The following METAP2 variants were observed in gnomAD, a reference collection of about 807,000 sequenced individuals.
The protein encoded by METAP2 is methionine aminopeptidase 2.
In METAP2, 25 loss-of-function variants were observed where a neutral mutation model predicts 59.4. That is an observed-to-expected ratio of 0.42 (90% confidence interval 0.31 to 0.59). The LOEUF (loss-of-function observed/expected upper bound fraction) is 0.59, where lower values mean the gene tolerates loss of function less well. METAP2 is among the 20% of genes least tolerant of loss of function. The pLI is 0.16. For synonymous variants in METAP2, 214 were observed against 194.1 expected, an observed-to-expected ratio of 1.10 and a Z score of -0.85; for missense variants, 366 against 581.2, an observed-to-expected ratio of 0.63 and a Z score of 3.81.
At chr12:95,487,656 G>T (rs1158059156) in intron 4 of METAP2, among the ~76,000 whole-genome samples, 2 of 147,610 alleles carry the variant, frequency 1.4e-5, no homozygotes, top group African/African-American at 5.0e-5. Flanking sequence ...TAACCACCTA[G>T]CAGGTAGCCT....
chr12:95,483,131 A>G, intron 2 of METAP2, 84 bp from the exon 3 acceptor site: 1 of 989,146 alleles, frequency 1.0e-6, no homozygotes, highest in Non-Finnish European at 1.6e-6. Flanking sequence ...TATTGAATAG[A>G]GCAAATACTT....
At position 95,515,465 on chromosome 12, in the gene METAP2, G is replaced by A. The variant is rs301026; in HGVS notation, c.*1561G>A. On this transcript the variant is annotated 3_prime_UTR_variant, in exon 11 of 11. Transcript: ENST00000323666. Reference sequence around the variant, plus strand: ...AGCTAGCTCCTTTGGGGTTGAGTCCGTATCTTTTTGATGTGGAAGTATAAA... The same window carrying A: ...AGCTAGCTCCTTTGGGGTTGAGTCCATATCTTTTTGATGTGGAAGTATAAA... 15,820 of 152,240 alleles carry A rather than the reference G, an allele frequency of 0.1. 880 individuals are homozygous for A. The highest frequency in any genetic ancestry group is 0.12 in the Non-Finnish European group (8,046 of 68,024). 9.4% of individuals were successfully genotyped at this position (152,240 alleles called of 1,614,324 possible). A position where few individuals can be genotyped will look rare whatever the true frequency, so the allele number is the denominator to read the frequency against.
rs573587464 is a variant in METAP2 at position 95,496,679 on chromosome 12, G to A, written c.867+581G>A. 2.0e-5 allele frequency among the ~76,000 whole-genome samples: 3 copies of A among 151,054 alleles called. No homozygotes were observed. In the South Asian group the frequency reaches 6.3e-4, roughly 32 times the overall value. On this transcript the variant is annotated intron_variant, in intron 7 of 10. Coordinates refer to ENST00000323666, the MANE Select transcript of METAP2 (RefSeq NM_006838.4). ...TTTCATAGCCACCAAAATCTTCTGT[G>A]CTCAACTGATTCATCCCTCTCTGTC...
chr12:95,485,161 G>C (rs2076186731), intron 3 of METAP2, among the ~76,000 whole-genome samples: 1 of 150,676 alleles, frequency 6.6e-6, no homozygotes, highest in African/African-American at 2.4e-5. Context: ...GATTTCATCT[G>C]ATCGTTCATT....
intron 4 of METAP2, among the ~76,000 whole-genome samples, chr12:95,490,971 G>A (rs1351173389): frequency 6.6e-6 from 1 of 152,040 alleles, no homozygotes; most frequent in Non-Finnish European, 1.5e-5. Context: ...TATAAAATAA[G>A]TGATTATGAC....
chr12:95,497,709 G>C (rs2076285388), intron 7 of METAP2, among the ~76,000 whole-genome samples: 1 of 152,092 alleles, frequency 6.6e-6, no homozygotes, highest in South Asian at 2.1e-4. Context: ...GCAAGGAAAG[G>C]CTCCAATTTT....
rs190581112 is a variant in METAP2 at position 95,498,111 on chromosome 12, C to T, written c.867+2013C>T. Among the ~76,000 whole-genome samples the T allele has an allele frequency of 1.6e-3, 230 of 148,240 alleles. 1 individual carries two copies. The highest frequency in any genetic ancestry group is 5.2e-3 in the Admixed American group (77 of 14,858). Reference sequence around the variant, plus strand: ...TCGCCCCACTGCACTCCAGCCTGGGCGACTGAGCGAGACTCCATCTCAAAA... The same window carrying T: ...TCGCCCCACTGCACTCCAGCCTGGGTGACTGAGCGAGACTCCATCTCAAAA... On this transcript the variant is annotated intron_variant, in intron 7 of 10. Coordinates refer to ENST00000323666, the MANE Select transcript of METAP2 (RefSeq NM_006838.4).
At chr12:95,503,523 G>A (rs1362681657) in intron 7 of METAP2, among the ~76,000 whole-genome samples, 1 of 152,134 alleles carries the variant, frequency 6.6e-6, no homozygotes, top group African/African-American at 2.4e-5. Context: ...GCGCTGAGGT[G>A]TGCAACTATG....
chr12:95,478,624 C>T (rs1045456188), intron 2 of METAP2, among the ~76,000 whole-genome samples: 3 of 152,016 alleles, frequency 2.0e-5, no homozygotes, highest in Non-Finnish European at 4.4e-5. Flanking sequence ...AAAAGTGAAA[C>T]TCTGTCTCAA....
chr12:95,491,174 A>G lies in METAP2; in HGVS notation c.429-2882A>G, dbSNP rs377634469. On this transcript the variant is annotated intron_variant, in intron 4 of 10. Coordinates refer to ENST00000323666, the MANE Select transcript of METAP2 (RefSeq NM_006838.4). Reference sequence around the variant, plus strand: ...TACTTTGGTATCATTTGGAATATCTATCTTCCTTCCTTTTCTTCCTATTTA... The same window carrying G: ...TACTTTGGTATCATTTGGAATATCTGTCTTCCTTCCTTTTCTTCCTATTTA... Among the ~76,000 whole-genome samples, 228 of 149,938 alleles carry G rather than the reference A, an allele frequency of 1.5e-3. 1 individual carries two copies. The highest frequency in any genetic ancestry group is 3.8e-3 in the African/African-American group (156 of 40,740).
At chr12:95,489,825 T>A (rs58949649) in intron 4 of METAP2, among the ~76,000 whole-genome samples, 3,868 of 152,102 alleles carry the variant, frequency 0.025, 148 homozygotes, top group African/African-American at 0.088. Flanking sequence ...GCAACAAGAG[T>A]GAAACTCTGT....
intron 2 of METAP2, chr12:95,482,208 C>T (rs1426987817): frequency 1.3e-5 from 6 of 450,842 alleles, no homozygotes; most frequent in Admixed American, 1.2e-4. Context: ...TTCCCTGGCT[C>T]AGGTGATCCT....
At chr12:95,500,500 T>C (rs2076307692) in intron 7 of METAP2, among the ~76,000 whole-genome samples, 2 of 152,210 alleles carry the variant, frequency 1.3e-5, no homozygotes, top group African/African-American at 4.8e-5. Context: ...CTTTGACCAT[T>C]GAGTATGATG....
At chr12:95,488,665 G>T (rs2076215880) in intron 4 of METAP2, among the ~76,000 whole-genome samples, 1 of 151,892 alleles carries the variant, frequency 6.6e-6, no homozygotes. Context: ...TCTTTCCAGT[G>T]CAGAGTCAGT....
At chr12:95,492,152 G>GTGTA (rs1555191443) in intron 4 of METAP2, among the ~76,000 whole-genome samples, 5 of 151,782 alleles carry the variant, frequency 3.3e-5, no homozygotes, top group Non-Finnish European at 5.9e-5. Context: ...GTGTGTGTGT[G>GTGTA]TGTATGTATA....
At chr12:95,496,806 ATTAAC>A (rs1430221649) in intron 7 of METAP2, among the ~76,000 whole-genome samples, 1 of 136,756 alleles carries the variant, frequency 7.3e-6, no homozygotes, top group African/African-American at 2.7e-5. Context: ...AATTTACCAT[ATTAAC>A]TTTTTCTTTC....
chr12:95,513,677 A>G lies in METAP2; in HGVS notation c.1210A>G (p.Asn404Asp), dbSNP rs142486082. ...GCTTCCAAGAACAAAACACTTGTTA[A>G]ATGTCATCAATGAAAACTTTGGAAC... ...IRLPRTKHLL[N>D]VINENFGTLA... Residue 404 changes from asparagine to aspartate, a missense_variant, in exon 11 of 11, where the codon AAT becomes GAT. By Grantham distance (23) the Asn-to-Asp change is conservative (BLOSUM62 1). Around this residue, in one of 4 missense-constraint regions of METAP2, gnomAD observed 82 missense variants for 156.2 expected, o/e 0.52. Transcript: ENST00000323666. 2 of 1,614,018 alleles carry G rather than the reference A, an allele frequency of 1.2e-6. No individual in the cohort carries two copies. Among genetic ancestry groups the G allele is most frequent in the Non-Finnish European group, 1.7e-6 (2 of 1,180,012 alleles).
chr12:95,496,618 G>A lies in METAP2; in HGVS notation c.867+520G>A, dbSNP rs1443202346. ...ATAAGGGGTTTGACAAATATATAAT[G>A]ACACGCATCTACCATTATAGTATCA... On this transcript the variant is annotated intron_variant, in intron 7 of 10. Transcript: ENST00000323666. Among the ~76,000 whole-genome samples, 4 of 151,944 alleles carry A rather than the reference G, an allele frequency of 2.6e-5. No individual in the cohort carries two copies. The East Asian group carries it at 7.7e-4, about 29-fold the overall frequency.
chr12:95,495,491 TAA>T (rs2076269932), intron 6 of METAP2, among the ~76,000 whole-genome samples: 1 of 151,886 alleles, frequency 6.6e-6, no homozygotes, highest in African/African-American at 2.4e-5. Flanking sequence ...TTAAAATACT[TAA>T]GTTTATCAGC....
Sources: gnomAD v4.1 joint callset for allele counts (sites outside exome capture counted in the v4.1 genomes callset) on GRCh38, gnomAD v4.1.1 for gene constraint, gnomAD v4.1.1 regional missense constraint, MANE v1.5 for transcripts, NCBI Gene and HGNC (gene_info 2026-07-23, HGNC 2026-07-21) for gene names.